The following ZNF420 variants were observed in gnomAD, a reference collection of about 807,000 sequenced individuals.
ZNF420 encodes zinc finger protein 420, also known as ATM and p53-associated KZNF protein.
ZNF420 carries 31 observed loss-of-function variants against 44.7 expected under a neutral mutation model. The ratio of observed to expected loss-of-function variants is 0.69; its 90% CI spans 0.52 to 0.94. ZNF420 has a LOEUF of 0.94. ZNF420 is among the 40% of genes least tolerant of loss of function. The pLI is 0.00. For synonymous variants in ZNF420, 245 were observed against 267.4 expected (o/e 0.92, Z 0.82); for missense variants, 681 against 827.9 (o/e 0.82, Z 2.18).
At chr19:37,095,136 A>T (rs1471292326) in intron 4 of ZNF420, among the ~76,000 whole-genome samples, 1 of 151,980 alleles carries the variant, frequency 6.6e-6, no homozygotes, top group Non-Finnish European at 1.5e-5. Flanking sequence ...TCTCAAAAAA[A>T]AAAAAAAAAA....
chr19:37,012,772 G>T (rs397859288), intron 1 of ZNF420, among the ~76,000 whole-genome samples: 1 of 67,022 alleles, frequency 1.5e-5, no homozygotes, highest in African/African-American at 7.3e-5. Flanking sequence ...GTCTCTGTGT[G>T]TGTGTGTGTG....
intron 4 of ZNF420, among the ~76,000 whole-genome samples, chr19:37,106,260 T>C (rs1970078738): frequency 6.6e-6 from 1 of 152,236 alleles, no homozygotes; most frequent in South Asian, 2.1e-4. Flanking sequence ...CTTTTCTGCA[T>C]CTATTGAGAT....
intron 1 of ZNF420, among the ~76,000 whole-genome samples, chr19:37,020,631 A>C (rs2074641571): frequency 6.6e-6 from 1 of 152,228 alleles, no homozygotes; most frequent in Non-Finnish European, 1.5e-5. Flanking sequence ...CAATAGCTAA[A>C]GTAGAGGCAC....
chr19:37,111,975 AAC>A (rs1970406068), intron 4 of ZNF420, among the ~76,000 whole-genome samples: 1 of 152,034 alleles, frequency 6.6e-6, no homozygotes, highest in Non-Finnish European at 1.5e-5. Flanking sequence ...CTGAATTACA[AAC>A]ACAGGAGAAT....
intron 4 of ZNF420, 149 bp downstream of exon 4, chr19:37,091,270 T>C: frequency 1.3e-6 from 1 of 757,908 alleles, no homozygotes; most frequent in Non-Finnish European, 2.0e-6. Context: ...AGACATGGTT[T>C]CTCAGGGCAC....
At chr19:37,097,514 CT>C (rs1969527088) in intron 4 of ZNF420, among the ~76,000 whole-genome samples, 1 of 152,034 alleles carries the variant, frequency 6.6e-6, no homozygotes, top group Admixed American at 6.6e-5. Flanking sequence ...TTTTCTCAAA[CT>C]TTATTGGCAG....
intron 1 of ZNF420, among the ~76,000 whole-genome samples, chr19:37,026,430 C>G (rs961453449): frequency 6.6e-6 from 1 of 152,140 alleles, no homozygotes; most frequent in Admixed American, 6.5e-5. Flanking sequence ...AGCGATTCTC[C>G]TGCCTTAACT....
chr19:37,099,156 C>G (rs1258980200), intron 4 of ZNF420, among the ~76,000 whole-genome samples: 1 of 152,090 alleles, frequency 6.6e-6, no homozygotes, highest in Non-Finnish European at 1.5e-5. Flanking sequence ...AATGCAGATG[C>G]CTCTTTGACA....
intron 4 of ZNF420, among the ~76,000 whole-genome samples, chr19:37,126,397 G>A (rs928761216): frequency 1.1e-4 from 16 of 152,138 alleles, no homozygotes; most frequent in Non-Finnish European, 1.8e-4. Context: ...AATAAGGAGC[G>A]AAGCTGAGAA....
At chr19:37,118,391 G>C (rs1238343742) in intron 4 of ZNF420, among the ~76,000 whole-genome samples, 4 of 152,106 alleles carry the variant, frequency 2.6e-5, no homozygotes, top group Non-Finnish European at 2.9e-5. Context: ...TGAAGGAGAA[G>C]TAAAATCCTT....
chr19:37,009,258 C>T (rs2074550215), intron 1 of ZNF420, among the ~76,000 whole-genome samples: 1 of 152,136 alleles, frequency 6.6e-6, no homozygotes, highest in Non-Finnish European at 1.5e-5. Context: ...TTAGGGCTAC[C>T]TAGGCGGTGG....
chr19:37,109,915 G>A (rs1337384745), intron 4 of ZNF420: 2 of 152,008 alleles, frequency 1.3e-5, no homozygotes, highest in Non-Finnish European at 2.9e-5. Context: ...TCTGAGGAGT[G>A]GTACACTCCT....
intron 2 of ZNF420, among the ~76,000 whole-genome samples, chr19:37,085,623 C>CT (rs1968716744): frequency 6.6e-6 from 1 of 152,322 alleles, no homozygotes; most frequent in East Asian, 1.9e-4. Flanking sequence ...TAGGAGGCCT[C>CT]TTTATCAGGT....
chr19:37,116,348 A>C (rs1230760866), intron 4 of ZNF420, among the ~76,000 whole-genome samples: 1 of 147,512 alleles, frequency 6.8e-6, no homozygotes, highest in East Asian at 2.0e-4. Flanking sequence ...CAGCCTGGGC[A>C]ACAGAGCAGG....
chr19:37,014,634 C>A (rs1046469222), intron 1 of ZNF420, among the ~76,000 whole-genome samples: 1 of 152,224 alleles, frequency 6.6e-6, no homozygotes, highest in African/African-American at 2.4e-5. Context: ...CGCCTGACAG[C>A]CCTGACATTG....
At position 37,127,834 on chromosome 19, in the gene ZNF420, T is replaced by C; in HGVS notation, c.843T>C (p.Cys281=). 6.2e-7 allele frequency: 1 copy of C among 1,613,952 alleles called. No homozygotes were observed. Among genetic ancestry groups the C allele is most frequent in the Non-Finnish European group, 8.5e-7 (1 of 1,179,948 alleles). The change falls in exon 5 of 5, where the codon TGT becomes TGC. Residue 281 remains cysteine (C), a synonymous_variant. Transcript: ENST00000337995. The stretch of plus-strand genomic sequence containing the variant: ...ATACTGGTGAAAAGCTCTATGAATG[T>C]AAAGAATGTAGGAAGGTCTTTACTC... ...RLHTGEKLYE[C]KECRKVFTQL...
chr19:37,093,169 CAAGA>C (rs1969250922), intron 4 of ZNF420: 1 of 151,398 alleles, frequency 6.6e-6, no homozygotes, highest in South Asian at 2.1e-4. Context: ...AGAGAGGGGG[CAAGA>C]GAGAGAGGAG....
At position 37,098,538 on chromosome 19, in the gene ZNF420, AC is replaced by A. The variant is rs1969588155; in HGVS notation, c.136+7418del. 2.6e-5 allele frequency among the ~76,000 whole-genome samples: 4 copies of A among 152,270 alleles called. No individual in the cohort carries two copies. In the South Asian group the frequency reaches 8.3e-4, roughly 32 times the overall value. On this transcript the variant is annotated intron_variant, in intron 4 of 4. Transcript: ENST00000337995. ...GTTGCGTTAATAGGTTTTTTCATAA[AC>A]ACTTTTAAAAGTTTTGTTTTATTTT...
At chr19:37,052,215 T>C (rs911923534) in intron 1 of ZNF420, among the ~76,000 whole-genome samples, 1 of 152,180 alleles carries the variant, frequency 6.6e-6, no homozygotes, top group African/African-American at 2.4e-5. Context: ...ATTTGCTTGG[T>C]AGATCTTCCT....
Sources: gnomAD v4.1 joint callset for allele counts (sites outside exome capture counted in the v4.1 genomes callset) on GRCh38, gnomAD v4.1.1 for gene constraint, MANE v1.5 for transcripts, NCBI Gene and HGNC (gene_info 2026-07-23, HGNC 2026-07-21) for gene names.